CDH13: variants seen among roughly 807,000 people sequenced by gnomAD.
The protein encoded by CDH13 is cadherin-13.
CDH13 carries 24 observed loss-of-function variants against 63.8 expected under a neutral mutation model. The observed-to-expected ratio is 0.38, with a 90% CI of 0.27 to 0.53. The LOEUF (loss-of-function observed/expected upper bound fraction) is 0.53, where lower values mean the gene tolerates loss of function less well. Ranked by LOEUF, CDH13 falls within the 20% of genes least tolerant of loss-of-function variation. CDH13 has a pLI of 0.85. For synonymous variants in CDH13, 503 were observed against 355.3 expected (o/e 1.42, Z -4.67); for missense variants, 1,049 against 903.1 (o/e 1.16, Z -2.07).
chr16:82,851,022 C>G (rs573493532), intron 1 of CDH13, among the ~76,000 whole-genome samples: 1 of 152,194 alleles, frequency 6.6e-6, no homozygotes, highest in African/African-American at 2.4e-5. Context: ...TGGAACCGAA[C>G]CTGCAGTATC....
rs1372434055 is a variant in CDH13, at chr16:82,762,854, G to T, written c.46-95508G>T. On this transcript the variant is annotated intron_variant, in intron 1 of 13. Coordinates refer to ENST00000567109, the MANE Select transcript of CDH13 (RefSeq NM_001257.5). ...CTTGGGGATGCCAGGGGTGGTTTGG[G>T]TGGGCACTCTCTTCATTAATAGCCA... is the stretch of plus-strand genomic sequence containing the variant. Among the ~76,000 whole-genome samples, 4 of 152,278 alleles carry T rather than the reference G, an allele frequency of 2.6e-5. No individual in the cohort carries two copies. The South Asian group carries it at 6.2e-4, about 24-fold the overall frequency.
At chr16:82,890,098 C>A (rs927602215) in intron 2 of CDH13, among the ~76,000 whole-genome samples, 1 of 152,196 alleles carries the variant, frequency 6.6e-6, no homozygotes, top group East Asian at 1.9e-4. Context: ...GTAAGTCTCC[C>A]AGCCTTCGTG....
At chr16:83,749,808 C>T (rs1185586676) in intron 11 of CDH13, among the ~76,000 whole-genome samples, 1 of 152,134 alleles carries the variant, frequency 6.6e-6, no homozygotes, top group African/African-American at 2.4e-5. Flanking sequence ...TCTGATGGAG[C>T]TAAGCCCAGA....
chr16:83,465,872 C>T (rs2073301825), intron 6 of CDH13, among the ~76,000 whole-genome samples: 5 of 152,336 alleles, frequency 3.3e-5, no homozygotes, highest in Admixed American at 2.6e-4. Context: ...CATTTTGGCA[C>T]CGTGAACTTG....
chr16:82,789,742 C>T (rs1367225443), intron 1 of CDH13, among the ~76,000 whole-genome samples: 1 of 152,182 alleles, frequency 6.6e-6, no homozygotes, highest in Non-Finnish European at 1.5e-5. Flanking sequence ...GTCCACAGGT[C>T]TGAATAATTT....
intron 10 of CDH13, among the ~76,000 whole-genome samples, chr16:83,683,648 C>G (rs370011652): frequency 1.3e-5 from 2 of 152,174 alleles, no homozygotes; most frequent in East Asian, 1.9e-4. Context: ...ATTGTTTACA[C>G]TTGTTTGCAG....
At chr16:82,762,264 T>C (rs1232525450) in intron 1 of CDH13, among the ~76,000 whole-genome samples, 1 of 152,226 alleles carries the variant, frequency 6.6e-6, no homozygotes, top group Non-Finnish European at 1.5e-5. Flanking sequence ...GATCTGATGC[T>C]GAGGATTTTT....
At chr16:83,508,177 G>A (rs1004236673) in intron 7 of CDH13, among the ~76,000 whole-genome samples, 8 of 146,494 alleles carry the variant, frequency 5.5e-5, no homozygotes, top group African/African-American at 2.0e-4. Context: ...GAGGAGAGGG[G>A]AGGAAAGGGA....
At chr16:82,682,259 C>G (rs931165815) in intron 1 of CDH13, among the ~76,000 whole-genome samples, 1 of 152,258 alleles carries the variant, frequency 6.6e-6, no homozygotes. Flanking sequence ...TTCCCAGGCC[C>G]CACCCATCAA....
At chr16:82,983,172 G>A (rs536181496) in intron 2 of CDH13, among the ~76,000 whole-genome samples, 1 of 152,110 alleles carries the variant, frequency 6.6e-6, no homozygotes, top group Non-Finnish European at 1.5e-5. Context: ...GCTGATCTTG[G>A]CTCCAGGGCT....
At chr16:83,030,924 A>ACATATGGACTATTC (rs1455264646) in intron 2 of CDH13, among the ~76,000 whole-genome samples, 8 of 151,784 alleles carry the variant, frequency 5.3e-5, no homozygotes, top group Non-Finnish European at 1.0e-4. Context: ...TCACCTAAAA[A>ACATATGGACTATTC]CATATGGACT....
intron 3 of CDH13, among the ~76,000 whole-genome samples, chr16:83,089,418 G>A (rs556877298): frequency 2.6e-5 from 4 of 152,316 alleles, no homozygotes; most frequent in South Asian, 2.1e-4. Flanking sequence ...AATAGTGAAC[G>A]AAAAACTTGC....
At chr16:83,534,304 C>A (rs950927303) in intron 7 of CDH13, among the ~76,000 whole-genome samples, 3 of 152,196 alleles carry the variant, frequency 2.0e-5, no homozygotes, top group Non-Finnish European at 4.4e-5. Context: ...ATACCAGTCC[C>A]TTCATTTTTC....
chr16:83,292,563 G>A (rs1039612368), intron 5 of CDH13, among the ~76,000 whole-genome samples: 7 of 152,232 alleles, frequency 4.6e-5, no homozygotes, highest in African/African-American at 1.7e-4. Flanking sequence ...TTTTGAACAG[G>A]TCTTTTCAAA....
At chr16:83,269,018 C>T (rs143087784) in intron 5 of CDH13, among the ~76,000 whole-genome samples, 18 of 152,302 alleles carry the variant, frequency 1.2e-4, no homozygotes, top group Admixed American at 3.3e-4. Flanking sequence ...TCAGCCTTAG[C>T]TTCAGCAATC....
chr16:83,294,197 A>G (rs2089533704), intron 5 of CDH13, among the ~76,000 whole-genome samples: 4 of 152,340 alleles, frequency 2.6e-5, no homozygotes, highest in African/African-American at 9.6e-5. Flanking sequence ...AAATCTAGCT[A>G]ATGAACATAT....
chr16:83,189,964 A>G (rs553654725), intron 4 of CDH13, among the ~76,000 whole-genome samples: 12 of 152,298 alleles, frequency 7.9e-5, no homozygotes, highest in African/African-American at 2.6e-4. Context: ...GCCTGCCCCC[A>G]TGTAAGACGT....
chr16:82,775,469 A>G (rs1300411109), intron 1 of CDH13, among the ~76,000 whole-genome samples: 1 of 152,200 alleles, frequency 6.6e-6, no homozygotes, highest in African/African-American at 2.4e-5. Flanking sequence ...AGGCTGCATC[A>G]AGGGTTAAAT....
intron 2 of CDH13, among the ~76,000 whole-genome samples, chr16:82,958,167 G>C (rs1409573384): frequency 2.0e-5 from 3 of 152,182 alleles, no homozygotes; most frequent in Non-Finnish European, 4.4e-5. Context: ...TCTTGGAAAA[G>C]ATTCTTGACC....
Sources: gnomAD v4.1 joint callset for allele counts (sites outside exome capture counted in the v4.1 genomes callset) on GRCh38, gnomAD v4.1.1 for gene constraint, MANE v1.5 for transcripts, NCBI Gene and HGNC (gene_info 2026-07-23, HGNC 2026-07-21) for gene names.